The following SYNE3 variants were observed in gnomAD, a reference collection of about 807,000 sequenced individuals.
SYNE3 encodes the protein nesprin-3.
In SYNE3, 100 loss-of-function variants were observed where a neutral mutation model predicts 111.2. That is an observed-to-expected ratio of 0.90 (90% CI 0.77 to 1.06). SYNE3 has a LOEUF of 1.06. Ranked by LOEUF, SYNE3 falls within the 50% of genes least tolerant of loss-of-function variation. The pLI is 0.00. For missense variants in SYNE3, 1,160 were observed against 1,240.3 expected (o/e 0.94, Z 0.97); for synonymous variants, 547 against 533.9 (o/e 1.02, Z -0.34).
intron 15 of SYNE3, among the ~76,000 whole-genome samples, chr14:95,434,414 C>T (rs1481146004): frequency 3.9e-5 from 6 of 152,088 alleles, no homozygotes; most frequent in Non-Finnish European, 5.9e-5. Flanking sequence ...CTGGGGCCTG[C>T]AGAGGTAGAG....
rs1486189984 is a variant in SYNE3 at position 95,485,717 on chromosome 14, A to G, written c.-14-9882T>C. Among the ~76,000 whole-genome samples, 1 of 152,126 alleles carries G rather than the reference A, an allele frequency of 6.6e-6. No homozygotes were observed. The highest frequency in any genetic ancestry group is 1.5e-5 in the Non-Finnish European group (1 of 68,006). Reference sequence around the variant, plus strand: ...TCAGCTCAGATGGCTCCTCTTCCAGAAAGCCTTCCCTGAATGACTGACACA... The same window carrying G: ...TCAGCTCAGATGGCTCCTCTTCCAGGAAGCCTTCCCTGAATGACTGACACA... On this transcript the variant is annotated intron_variant, in intron 1 of 17. Coordinates refer to ENST00000682763, the MANE Select transcript of SYNE3 (RefSeq NM_152592.6). The surrounding 1 kb of genome is among the most constrained non-coding windows in gnomAD (Gnocchi z 4.3).
chr14:95,507,509 T>G (rs535210654), intron 1 of SYNE3, among the ~76,000 whole-genome samples: 1 of 152,258 alleles, frequency 6.6e-6, no homozygotes, highest in East Asian at 1.9e-4. Flanking sequence ...AAGGAGCACA[T>G]TAGGAAGTGA....
At chr14:95,477,568 G>A (rs1888964946) in intron 1 of SYNE3, among the ~76,000 whole-genome samples, 1 of 152,210 alleles carries the variant, frequency 6.6e-6, no homozygotes, top group South Asian at 2.1e-4. Flanking sequence ...CACGGGGCCA[G>A]AAGAAGCTTC....
chr14:95,444,709 G>C lies in SYNE3; in HGVS notation c.1633-81C>G. On this transcript the variant is annotated intron_variant, in intron 9 of 17. Transcript: ENST00000682763. ...TGTGAGACCCGACCCGTTCAGCCAG[G>C]CTGCTCTTCGTCTCGGCCAGCTCAT... 3 of 1,462,414 alleles carry C rather than the reference G, an allele frequency of 2.1e-6. No homozygotes were observed. In the South Asian group the frequency reaches 4.4e-5, roughly 21 times the overall value. The allele number at this position is 1,462,414 out of a possible 1,614,324, so 90.6% of individuals were successfully genotyped here.
At chr14:95,478,356 G>A (rs957009712) in intron 1 of SYNE3, among the ~76,000 whole-genome samples, 1 of 152,214 alleles carries the variant, frequency 6.6e-6, no homozygotes, top group Non-Finnish European at 1.5e-5. Flanking sequence ...ATCAGGGACA[G>A]TTGAACAGGG....
At chr14:95,424,190 G>A (rs1412173208) in intron 17 of SYNE3, among the ~76,000 whole-genome samples, 1 of 152,120 alleles carries the variant, frequency 6.6e-6, no homozygotes, top group Non-Finnish European at 1.5e-5. Flanking sequence ...AGTCACCTAT[G>A]AGACGGTGCA....
chr14:95,506,091 G>A (rs1364947071), intron 1 of SYNE3, among the ~76,000 whole-genome samples: 1 of 152,152 alleles, frequency 6.6e-6, no homozygotes, highest in Non-Finnish European at 1.5e-5. Context: ...AAAAATGGAG[G>A]GGAGATAAAG....
At chr14:95,487,989 T>G (rs1480658255) in intron 1 of SYNE3, among the ~76,000 whole-genome samples, 1 of 152,176 alleles carries the variant, frequency 6.6e-6, no homozygotes, top group Non-Finnish European at 1.5e-5. Flanking sequence ...GATGACCCAC[T>G]TCCACTTCAT....
chr14:95,464,532 A>AC (rs1478486859), intron 4 of SYNE3, among the ~76,000 whole-genome samples: 2 of 152,274 alleles, frequency 1.3e-5, no homozygotes, highest in African/African-American at 4.8e-5. Flanking sequence ...AAACAAACAA[A>AC]AAAAACCAAT....
intron 4 of SYNE3, among the ~76,000 whole-genome samples, chr14:95,461,227 T>C (rs1887790810): frequency 6.6e-6 from 1 of 152,240 alleles, no homozygotes; most frequent in African/African-American, 2.4e-5. Context: ...CGAGCAGCTC[T>C]GATTCATCAC....
intron 6 of SYNE3, among the ~76,000 whole-genome samples, chr14:95,454,125 G>T (rs1019414953): frequency 1.3e-5 from 2 of 152,252 alleles, no homozygotes; most frequent in African/African-American, 4.8e-5. Context: ...TCAGCAGAGG[G>T]ATAACACAAG....
Position 95,474,261 on chromosome 14 carries a change from G to A in SYNE3, c.144+1417C>T, listed in dbSNP as rs77792300. The stretch of plus-strand genomic sequence containing the variant: ...GCCAGGTGAAGTTTGCTTTTCCTTT[G>A]GTGGACAGTGAGAGCCACGGAAGGT... On this transcript the variant is annotated intron_variant, in intron 2 of 17. Coordinates refer to ENST00000682763, the MANE Select transcript of SYNE3 (RefSeq NM_152592.6). 8.5e-5 allele frequency among the ~76,000 whole-genome samples: 13 copies of A among 152,358 alleles called. No individual in the cohort carries two copies. The East Asian group carries it at 2.3e-3, about 27-fold the overall frequency.
intron 2 of SYNE3, among the ~76,000 whole-genome samples, chr14:95,474,569 C>T (rs1282561375): frequency 2.6e-5 from 4 of 152,158 alleles, no homozygotes; most frequent in East Asian, 1.9e-4. Flanking sequence ...GCACAGGAAA[C>T]GGTGTGAGGA....
At chr14:95,474,071 T>C (rs912838503) in intron 2 of SYNE3, among the ~76,000 whole-genome samples, 1 of 147,082 alleles carries the variant, frequency 6.8e-6, no homozygotes, top group Admixed American at 6.7e-5. Flanking sequence ...GAGCTAAGGC[T>C]GGTGTGAGCT....
chr14:95,433,869 T>C (rs1337420356), intron 15 of SYNE3, among the ~76,000 whole-genome samples: 2 of 152,166 alleles, frequency 1.3e-5, no homozygotes, highest in East Asian at 3.8e-4. Context: ...GGTGGTGTGA[T>C]GGGGCAGTAG....
chr14:95,407,698 A>G lies in SYNE3; in HGVS notation c.*10128T>C, dbSNP rs965194186. The G allele has an allele frequency of 2.6e-5, 4 of 152,198 alleles. No homozygotes were observed. Among genetic ancestry groups the G allele is most frequent in the African/African-American group, 7.2e-5 (3 of 41,458 alleles). The allele number at this position is 152,198 out of a possible 1,614,324, so 9.4% of individuals were successfully genotyped here. A position where few individuals can be genotyped will look rare whatever the true frequency, so the allele number is the denominator to read the frequency against. On this transcript the variant is annotated 3_prime_UTR_variant, in exon 18 of 18. Coordinates refer to ENST00000682763, the MANE Select transcript of SYNE3 (RefSeq NM_152592.6). ...ACAATGGAATGTGTTTGTCTTTGAC[A>G]TCAAAAATCATTTATGCAGCATCTA...
chr14:95,438,401 T>A (rs919065617), intron 14 of SYNE3: 1 of 152,510 alleles, frequency 6.6e-6, no homozygotes, highest in Non-Finnish European at 1.5e-5. Flanking sequence ...AACCTGCATT[T>A]TAATACAAGG....
At chr14:95,477,983 G>A (rs556465555) in intron 1 of SYNE3, among the ~76,000 whole-genome samples, 3 of 152,304 alleles carry the variant, frequency 2.0e-5, no homozygotes, top group South Asian at 2.1e-4. Flanking sequence ...GTGGGGAAGC[G>A]TGGCTCTAAT....
rs567415436 is a variant in SYNE3, at chr14:95,485,642, C to T, written c.-14-9807G>A. ...CTGCCCTCACCAGGCTGTCTCCTCTCCCTCTCCCCTTACACCACTCCCTCT... is the reference window on the plus strand; with the variant it reads ...CTGCCCTCACCAGGCTGTCTCCTCTTCCTCTCCCCTTACACCACTCCCTCT... On this transcript the variant is annotated intron_variant, in intron 1 of 17. Coordinates refer to ENST00000682763, the MANE Select transcript of SYNE3 (RefSeq NM_152592.6). This position sits in a 1 kb window ranked among gnomAD's most constrained non-coding sequence, Gnocchi z 4.3. Among the ~76,000 whole-genome samples the T allele has an allele frequency of 1.6e-4, 25 of 152,176 alleles. No homozygotes were observed. The highest frequency in any genetic ancestry group is 6.0e-4 in the African/African-American group (25 of 41,516).
Sources: gnomAD v4.1 joint callset for allele counts (sites outside exome capture counted in the v4.1 genomes callset) on GRCh38, gnomAD v4.1.1 for gene constraint, Gnocchi (gnomAD v3.1) non-coding constraint, MANE v1.5 for transcripts, NCBI Gene and HGNC (gene_info 2026-07-23, HGNC 2026-07-21) for gene names.